The following USP14 variants were observed in gnomAD, a reference collection of about 807,000 sequenced individuals.
The protein encoded by USP14 is ubiquitin specific peptidase 14.
A neutral mutation model predicts 76.5 loss-of-function variants in USP14; 38 were observed. The observed-to-expected ratio is 0.50, with a 90% confidence interval of 0.38 to 0.65. The LOEUF is 0.65. Ranked by LOEUF, USP14 falls within the 30% of genes least tolerant of loss-of-function variation. The pLI, the probability that USP14 is intolerant of heterozygous loss-of-function variation, is 0.00. For synonymous variants in USP14, 192 were observed against 191.7 expected, an observed-to-expected ratio of 1.00 and a Z score of -0.01; for missense variants, 467 against 586.5, an observed-to-expected ratio of 0.80 and a Z score of 2.10.
At chr18:186,636 C>T (rs1018690072) in intron 5 of USP14, among the ~76,000 whole-genome samples, 1 of 151,788 alleles carries the variant, frequency 6.6e-6, no homozygotes, top group African/African-American at 2.4e-5. Flanking sequence ...GCCTATAATC[C>T]CAGCTACTCG....
Position 210,139 on chromosome 18 carries a change from T to G in USP14, c.1225+108T>G. On this transcript the variant is annotated intron_variant, in intron 14 of 15. Coordinates refer to ENST00000261601, the MANE Select transcript of USP14 (RefSeq NM_005151.4). ...ATTCTGATGTGCTTTTCAAACAAAA[T>G]GTCAGGTTTCTTGAACAATTTACCT... The G allele has an allele frequency of 1.4e-5, 14 of 972,460 alleles. No homozygotes were observed. The South Asian group carries it at 2.4e-4, about 17-fold the overall frequency. 60.2% of individuals were successfully genotyped at this position (972,460 alleles called of 1,614,324 possible). A position where few individuals can be genotyped will look rare whatever the true frequency, so the allele number is the denominator to read the frequency against.
intron 5 of USP14, among the ~76,000 whole-genome samples, chr18:191,751 C>G (rs12960380): frequency 0.04 from 6,034 of 152,218 alleles, 140 homozygotes; most frequent in Middle Eastern, 0.075. Context: ...ATCAGTAATT[C>G]TGATTGCTCC....
intron 3 of USP14, among the ~76,000 whole-genome samples, chr18:170,887 A>T (rs191394705): frequency 1.3e-5 from 2 of 151,796 alleles, no homozygotes; most frequent in East Asian, 3.9e-4. Context: ...GCATCAGGAT[A>T]AATAGCTAAT....
intron 6 of USP14, among the ~76,000 whole-genome samples, chr18:195,163 G>T (rs1910197420): frequency 6.7e-6 from 1 of 149,162 alleles, no homozygotes; most frequent in Non-Finnish European, 1.5e-5. Flanking sequence ...AAATACTTTT[G>T]AGATGCTCTG....
intron 5 of USP14, among the ~76,000 whole-genome samples, chr18:190,260 A>C (rs780771886): frequency 7.2e-5 from 11 of 152,186 alleles, no homozygotes; most frequent in Admixed American, 5.2e-4. Flanking sequence ...ATTCTAGTAC[A>C]TTTTTGGGCA....
intron 5 of USP14, among the ~76,000 whole-genome samples, chr18:186,477 G>T (rs1278572309): frequency 6.6e-6 from 1 of 152,096 alleles, no homozygotes; most frequent in Non-Finnish European, 1.5e-5. Context: ...GATGGGCCAG[G>T]AGCAGTGGCT....
intron 13 of USP14, among the ~76,000 whole-genome samples, chr18:208,140 G>A (rs1910577663): frequency 6.6e-6 from 1 of 151,604 alleles, no homozygotes; most frequent in African/African-American, 2.4e-5. Flanking sequence ...ACATAGGCAG[G>A]CACATTTTCA....
At chr18:206,604 A>G (rs1910535026) in intron 13 of USP14, among the ~76,000 whole-genome samples, 1 of 152,176 alleles carries the variant, frequency 6.6e-6, no homozygotes, top group Non-Finnish European at 1.5e-5. Context: ...GTCATATCTA[A>G]GAAAGCATTG....
intron 14 of USP14, 96 bp from the exon 15 acceptor site, chr18:210,290 T>C: frequency 1.1e-6 from 1 of 915,178 alleles, no homozygotes; most frequent in Non-Finnish European, 1.7e-6. Flanking sequence ...GATAATACTT[T>C]CGTAATGTGA....
intron 7 of USP14, 83 bp from the exon 8 acceptor site, chr18:197,533 C>A: frequency 1.8e-6 from 2 of 1,090,606 alleles, no homozygotes; most frequent in East Asian, 2.4e-5. Context: ...ACTTTCTTGC[C>A]TAGGAGACAG....
intron 8 of USP14, 33 bp from the exon 9 acceptor site, chr18:198,014 A>G (rs917922726): frequency 6.4e-7 from 1 of 1,557,204 alleles, no homozygotes; most frequent in Non-Finnish European, 8.7e-7. Flanking sequence ...TAATATTTAT[A>G]TAAAGTTGGA....
intron 3 of USP14, among the ~76,000 whole-genome samples, chr18:169,749 A>G (rs1037076407): frequency 2.6e-5 from 4 of 152,122 alleles, no homozygotes; most frequent in Non-Finnish European, 5.9e-5. Context: ...CCAGCAGCCT[A>G]TGTTCACTTC....
intron 10 of USP14, 148 bp downstream of exon 10, chr18:199,464 CT>C (rs1910328357): frequency 5.4e-6 from 3 of 557,192 alleles, no homozygotes; most frequent in Admixed American, 3.5e-5. Context: ...ACAGTCCCAT[CT>C]GAGGTCAAAC....
chr18:186,162 G>C (rs1039310241), intron 5 of USP14, among the ~76,000 whole-genome samples: 1 of 152,176 alleles, frequency 6.6e-6, no homozygotes, highest in Non-Finnish European at 1.5e-5. Flanking sequence ...AATTCATACA[G>C]ATTGAAGATG....
At position 203,110 on chromosome 18, in the gene USP14, C is replaced by T. The variant is rs762779633; in HGVS notation, c.955C>T (p.Arg319Trp). 4.3e-6 allele frequency: 7 copies of T among 1,613,988 alleles called. No homozygotes were observed. Among genetic ancestry groups the T allele is most frequent in the African/African-American group, 1.3e-5 (1 of 75,028 alleles). Reference protein sequence around the residue: ...ALYIKSSKISRLPAYLTIQMV... With the variant: ...ALYIKSSKISWLPAYLTIQMV... ...TTTGTCTCCTCAGTCCAAGATCAGC[C>T]GGCTGCCTGCTTACTTGACCATTCA... is the stretch of plus-strand genomic sequence containing the variant. Residue 319 changes from arginine (R) to tryptophan (W), a missense_variant, in exon 12 of 16, where the codon CGG (arginine) becomes TGG (tryptophan). Coordinates refer to ENST00000261601, the MANE Select transcript of USP14 (RefSeq NM_005151.4).
chr18:172,284 A>G (rs1485554635), intron 3 of USP14, among the ~76,000 whole-genome samples: 1 of 152,154 alleles, frequency 6.6e-6, no homozygotes, highest in Admixed American at 6.6e-5. Context: ...ATTGTGACTG[A>G]ATTGCCACAA....
intron 6 of USP14, among the ~76,000 whole-genome samples, chr18:196,309 G>T (rs1910233105): frequency 1.3e-5 from 2 of 151,718 alleles, no homozygotes; most frequent in African/African-American, 4.8e-5. Context: ...GAGGTCAGGA[G>T]TTGGAGACCA....
At chr18:161,616 C>T (rs1215093164) in intron 1 of USP14, among the ~76,000 whole-genome samples, 1 of 152,068 alleles carries the variant, frequency 6.6e-6, no homozygotes, top group Non-Finnish European at 1.5e-5. Context: ...CTTCCCAATG[C>T]TTTGTACCGG....
chr18:188,020 C>T (rs1023857064), intron 5 of USP14, among the ~76,000 whole-genome samples: 5 of 152,016 alleles, frequency 3.3e-5, no homozygotes, highest in Admixed American at 6.6e-5. Context: ...ATGTTTCTTT[C>T]GTGCTTCACT....
Sources: allele counts gnomAD v4.1 joint callset (sites outside exome capture counted in the v4.1 genomes callset), GRCh38; gene constraint gnomAD v4.1.1; transcripts MANE v1.5; gene names NCBI Gene and HGNC (gene_info 2026-07-23, HGNC 2026-07-21).